The following OR52K1 variants were observed in gnomAD, a reference collection of about 807,000 sequenced individuals.
The protein encoded by OR52K1 is olfactory receptor 52K1.
A neutral mutation model predicts 8.7 loss-of-function variants in OR52K1; 10 were observed. The ratio of observed to expected loss-of-function variants is 1.15; its 90% CI spans 0.71 to 1.95. The LOEUF (loss-of-function observed/expected upper bound fraction) is 1.95. Ranked by LOEUF, OR52K1 falls within the 30% of genes most tolerant of loss-of-function variation. OR52K1 has a pLI of 0.00. For synonymous variants in OR52K1, 203 were observed against 148.5 expected (o/e 1.37, Z -2.67); for missense variants, 431 against 397.2 (o/e 1.08, Z -0.72).
intron 1 of OR52K1, among the ~76,000 whole-genome samples, chr11:4,484,831 CAG>C (rs1474994514): frequency 0.014 from 931 of 64,436 alleles, 6 homozygotes; most frequent in African/African-American, 0.057. Context: ...CTAAAACACA[CAG>C]ACACACACAC....
intron 1 of OR52K1, among the ~76,000 whole-genome samples, chr11:4,484,833 GACACACACAC>G (rs57428088): frequency 2.3e-4 from 26 of 113,674 alleles, no homozygotes; most frequent in South Asian, 2.2e-3. Context: ...AAAACACACA[GACACACACAC>G]ACACACACAC....
Position 4,492,853 on chromosome 11 carries a change from G to T in OR52K1, c.*3008G>T, listed in dbSNP as rs76338624. The T allele has an allele frequency of 5.3e-6, 1 of 189,316 alleles. No individual in the cohort carries two copies. Among genetic ancestry groups the T allele is most frequent in the South Asian group, 1.2e-4 (1 of 8,410 alleles). 11.7% of individuals were successfully genotyped at this position (189,316 alleles called of 1,614,324 possible). A position where few individuals can be genotyped will look rare whatever the true frequency, so the allele number is the denominator to read the frequency against. Reference sequence around the variant, plus strand: ...GAAGAAAAGACAGCTGGGCCTGGGGGACCAGTACCACCAAGATGCAGAGAC... The same window carrying T: ...GAAGAAAAGACAGCTGGGCCTGGGGTACCAGTACCACCAAGATGCAGAGAC... On this transcript the variant is annotated 3_prime_UTR_variant, in exon 2 of 2. Coordinates refer to ENST00000641528, the MANE Select transcript of OR52K1 (RefSeq NM_001005171.3).
At chr11:4,484,607 T>C (rs1330040138) in intron 1 of OR52K1, among the ~76,000 whole-genome samples, 3 of 152,134 alleles carry the variant, frequency 2.0e-5, no homozygotes, top group Admixed American at 2.0e-4. Context: ...TGGAGTTGGA[T>C]ATCCTAGTCT....
At chr11:4,484,722 C>T (rs966301706) in intron 1 of OR52K1, among the ~76,000 whole-genome samples, 34 of 151,912 alleles carry the variant, frequency 2.2e-4, no homozygotes, top group Non-Finnish European at 3.8e-4. Context: ...GCAATATTCA[C>T]GGTCTTTTCA....
In OR52K1 at chr11:4,482,999, A is replaced by C. The variant is rs1846293294; in HGVS notation, c.-506A>C. The C allele has an allele frequency of 5.1e-6, 2 of 395,728 alleles. No individual in the cohort carries two copies. Among genetic ancestry groups the C allele is most frequent in the South Asian group, 2.7e-4 (2 of 7,276 alleles). The allele number at this position is 395,728 out of a possible 1,614,324, so 24.5% of individuals were successfully genotyped here. A position where few individuals can be genotyped will look rare whatever the true frequency, so the allele number is the denominator to read the frequency against. The stretch of plus-strand genomic sequence containing the variant: ...GGATGCCTGCTTCCGTCCTATGCCA[A>C]ACACTGTGGGCCATCTCCAAGAAGT... On this transcript the variant is annotated 5_prime_UTR_variant, in exon 1 of 2. Coordinates refer to ENST00000641528, the MANE Select transcript of OR52K1 (RefSeq NM_001005171.3).
In OR52K1 at chr11:4,483,150, C is replaced by G. The variant is rs1446299567; in HGVS notation, c.-355C>G. ...ATTAGTCAAGAGGAAGAAAACGAGG[C>G]CTGAACTAGAAAGATGGCAGGGAAA... On this transcript the variant is annotated 5_prime_UTR_variant, in exon 1 of 2. Coordinates refer to ENST00000641528, the MANE Select transcript of OR52K1 (RefSeq NM_001005171.3). 1 of 398,418 alleles carries G rather than the reference C, an allele frequency of 2.5e-6. No homozygotes were observed. The highest frequency in any genetic ancestry group is 2.1e-5 in the African/African-American group (1 of 48,606). The allele number at this position is 398,418 out of a possible 1,614,324, so 24.7% of individuals were successfully genotyped here.
chr11:4,489,907 G>A lies in OR52K1; in HGVS notation c.*62G>A. 8.1e-7 allele frequency: 1 copy of A among 1,228,918 alleles called. No homozygotes were observed. The highest frequency in any genetic ancestry group is 1.1e-6 in the Non-Finnish European group (1 of 877,978). 76.1% of individuals were successfully genotyped at this position (1,228,918 alleles called of 1,614,324 possible). ...AATGAGAATGCTGGATTGGGGTTGAGGGGAAAAATCTAAATAGGAAAATTG... is the reference window on the plus strand; with the variant it reads ...AATGAGAATGCTGGATTGGGGTTGAAGGGAAAAATCTAAATAGGAAAATTG... On this transcript the variant is annotated 3_prime_UTR_variant, in exon 2 of 2. Coordinates refer to ENST00000641528, the MANE Select transcript of OR52K1 (RefSeq NM_001005171.3).
Position 4,488,842 on chromosome 11 carries a change from A to T in OR52K1, c.-59A>T, listed in dbSNP as rs1846341218. The stretch of plus-strand genomic sequence containing the variant: ...GAACTCTAATCATATATACTGTAGA[A>T]GGTATATATAGAAGGTGAAGAAGCC... On this transcript the variant is annotated 5_prime_UTR_variant, in exon 2 of 2. The change creates a new upstream start codon in the 5' untranslated region. Coordinates refer to ENST00000641528, the MANE Select transcript of OR52K1 (RefSeq NM_001005171.3). 2 of 1,128,104 alleles carry T rather than the reference A, an allele frequency of 1.8e-6. No individual in the cohort carries two copies. The highest frequency in any genetic ancestry group is 2.6e-6 in the Non-Finnish European group (2 of 759,188). 69.9% of individuals were successfully genotyped at this position (1,128,104 alleles called of 1,614,324 possible).
In OR52K1 at chr11:4,492,647, T is replaced by C. The variant is rs1297532315; in HGVS notation, c.*2802T>C. 6.6e-6 allele frequency: 1 copy of C among 152,220 alleles called. No individual in the cohort carries two copies. Among genetic ancestry groups the C allele is most frequent in the Non-Finnish European group, 1.5e-5 (1 of 68,040 alleles). 9.4% of individuals were successfully genotyped at this position (152,220 alleles called of 1,614,324 possible). A position where few individuals can be genotyped will look rare whatever the true frequency, so the allele number is the denominator to read the frequency against. On this transcript the variant is annotated 3_prime_UTR_variant, in exon 2 of 2. Coordinates refer to ENST00000641528, the MANE Select transcript of OR52K1 (RefSeq NM_001005171.3). ...ATCATAAAATTATTTCACTTATCTC[T>C]GCTTTTGTCTTTCAAACTCTCATAA...
In OR52K1 at chr11:4,488,686, G is replaced by A. The variant is rs971506212; in HGVS notation, c.-215G>A. The A allele has an allele frequency of 3.6e-6, 2 of 550,098 alleles. No homozygotes were observed. Among genetic ancestry groups the A allele is most frequent in the Non-Finnish European group, 6.4e-6 (2 of 311,952 alleles). 34.1% of individuals were successfully genotyped at this position (550,098 alleles called of 1,614,324 possible). On this transcript the variant is annotated 5_prime_UTR_variant, in exon 2 of 2. Transcript: ENST00000641528. The stretch of plus-strand genomic sequence containing the variant: ...AATTGATATCCCATCTACTCAATGA[G>A]ATTCAAATTTCTTTGAGGGTAGAAA...
At chr11:4,485,756 A>G (rs543264012) in intron 1 of OR52K1, among the ~76,000 whole-genome samples, 26 of 152,258 alleles carry the variant, frequency 1.7e-4, no homozygotes, top group Non-Finnish European at 3.4e-4. Context: ...CTTTAAAAGT[A>G]TAAGTCACAT....
In OR52K1 at chr11:4,492,434, G is replaced by A. The variant is rs167947; in HGVS notation, c.*2589G>A. 0.33 allele frequency: 50,008 copies of A among 152,062 alleles called. 8,517 individuals carry two copies. Among genetic ancestry groups the A allele is most frequent in the South Asian group, 0.44 (2,112 of 4,816 alleles). The allele number at this position is 152,062 out of a possible 1,614,324, so 9.4% of individuals were successfully genotyped here. ...GTAGCATAGTCATAACTGACCCACA[G>A]TGTTCATATAACATGAACAAGGATG... On this transcript the variant is annotated 3_prime_UTR_variant, in exon 2 of 2. Transcript: ENST00000641528.
Position 4,489,791 on chromosome 11 carries a change from G to A in OR52K1, c.891G>A (p.Lys297=). ...PMVNPIIYGV[K]TKQIREYVLS... ...TCAATCCTATCATATATGGAGTCAA[G>A]ACCAAGCAGATTCGTGAGTATGTGC... Residue 297 remains lysine, a synonymous_variant, in exon 2 of 2, where the codon AAG becomes AAA. Transcript: ENST00000641528. 2 of 1,613,860 alleles carry A rather than the reference G, an allele frequency of 1.2e-6. No homozygotes were observed. Among genetic ancestry groups the A allele is most frequent in the South Asian group, 1.1e-5 (1 of 91,052 alleles).
intron 1 of OR52K1, among the ~76,000 whole-genome samples, chr11:4,487,889 G>A (rs1846333240): frequency 6.6e-6 from 1 of 151,958 alleles, no homozygotes; most frequent in Non-Finnish European, 1.5e-5. Context: ...GGTAAAAACT[G>A]GGTAACTCTA....
Position 4,490,240 on chromosome 11 carries a change from A to C in OR52K1, c.*395A>C. ...AATGTACCTCAAATTTTGTGACCCCAAAACCATTATTCCTTTTAGTACTGA... is the reference window on the plus strand; with the variant it reads ...AATGTACCTCAAATTTTGTGACCCCCAAACCATTATTCCTTTTAGTACTGA... On this transcript the variant is annotated 3_prime_UTR_variant, in exon 2 of 2. Transcript: ENST00000641528. The C allele has an allele frequency of 5.6e-6, 1 of 179,786 alleles. No homozygotes were observed. The highest frequency in any genetic ancestry group is 1.2e-5 in the Non-Finnish European group (1 of 84,074). The allele number at this position is 179,786 out of a possible 1,614,324, so 11.1% of individuals were successfully genotyped here.
Position 4,489,480 on chromosome 11 carries a change from A to G in OR52K1, c.580A>G (p.Thr194Ala). ...MAVVRLACGD[T>A]SFNNIYGIAV... The stretch of plus-strand genomic sequence containing the variant: ...TGTGGTAAGGCTGGCGTGTGGGGAC[A>G]CTAGCTTCAACAATATCTATGGCAT... Residue 194 changes from threonine (T) to alanine (A), a missense_variant, in exon 2 of 2, where the codon ACT becomes GCT. Thr to Ala is a moderately conservative substitution (Grantham distance 58). Transcript: ENST00000641528. 1.2e-6 allele frequency: 2 copies of G among 1,614,208 alleles called. No individual in the cohort carries two copies. Among genetic ancestry groups the G allele is most frequent in the Non-Finnish European group, 8.5e-7 (1 of 1,180,014 alleles).
intron 1 of OR52K1, among the ~76,000 whole-genome samples, chr11:4,487,382 A>G (rs1846329292): frequency 6.6e-6 from 1 of 152,218 alleles, no homozygotes; most frequent in Non-Finnish European, 1.5e-5. Context: ...GGGAAATAGC[A>G]CTGAACTACC....
At chr11:4,485,857 G>A (rs1454552334) in intron 1 of OR52K1, among the ~76,000 whole-genome samples, 1 of 152,194 alleles carries the variant, frequency 6.6e-6, no homozygotes, top group Non-Finnish European at 1.5e-5. Context: ...GGCCCTGTGT[G>A]ATTTGGCCCC....
At chr11:4,483,266 A>G (rs1846295143) in intron 1 of OR52K1, 90 bp downstream of exon 1, 1 of 398,314 alleles carries the variant, frequency 2.5e-6, no homozygotes, top group African/African-American at 2.1e-5. Flanking sequence ...TCTGGTTCTA[A>G]GTTTTTCAGA....
Sources: allele counts gnomAD v4.1 joint callset (sites outside exome capture counted in the v4.1 genomes callset), GRCh38; gene constraint gnomAD v4.1.1; transcripts MANE v1.5; gene names NCBI Gene and HGNC (gene_info 2026-07-23, HGNC 2026-07-21).